FBXO25: variants seen among roughly 807,000 people sequenced by gnomAD.
The protein encoded by FBXO25 is F-box protein 25.
A neutral mutation model predicts 51.9 loss-of-function variants in FBXO25; 45 were observed. That is an observed-to-expected ratio of 0.87 (90% CI 0.68 to 1.11). The LOEUF (loss-of-function observed/expected upper bound fraction) is 1.11, where lower values mean the gene tolerates loss of function less well. FBXO25 is among the 50% of genes most tolerant of loss of function. The probability of loss-of-function intolerance (pLI) is 0.00; values close to 1 mark genes in which losing one functional copy is unlikely to be tolerated. For missense variants in FBXO25, 507 were observed against 428.5 expected (o/e 1.18, Z -1.62); for synonymous variants, 199 against 151.0 (o/e 1.32, Z -2.33).
intron 9 of FBXO25, 51 bp from the exon 10 acceptor site, chr8:468,664 A>T (rs1441740365): frequency 7.1e-7 from 1 of 1,413,044 alleles, no homozygotes; most frequent in South Asian, 1.2e-5. Flanking sequence ...CCATCACTAG[A>T]GTGTGGCTGG....
chr8:419,968 A>T (rs1355628672), intron 2 of FBXO25, among the ~76,000 whole-genome samples: 1 of 152,194 alleles, frequency 6.6e-6, no homozygotes, highest in Admixed American at 6.5e-5. Context: ...GTGAACCTGT[A>T]CTTCACCAAA....
chr8:453,671 TTA>T (rs1799236012), intron 7 of FBXO25, among the ~76,000 whole-genome samples: 1 of 151,770 alleles, frequency 6.6e-6, no homozygotes, highest in Non-Finnish European at 1.5e-5. Flanking sequence ...GCAGATGGGG[TTA>T]GAACAGAGCA....
At position 473,818 on chromosome 8, in the gene FBXO25, A is replaced by T. The variant is rs1411550314; in HGVS notation, c.*5014A>T. 1 of 152,224 alleles carries T rather than the reference A, an allele frequency of 6.6e-6. No homozygotes were observed. The highest frequency in any genetic ancestry group is 1.5e-5 in the Non-Finnish European group (1 of 68,044). The allele number at this position is 152,224 out of a possible 1,614,324, so 9.4% of individuals were successfully genotyped here. A position where few individuals can be genotyped will look rare whatever the true frequency, so the allele number is the denominator to read the frequency against. ...GACACCTCAACTGTCTCGTTTTTGC[A>T]TGGAAATTTCATTTTTATTTGATAA... is the stretch of plus-strand genomic sequence containing the variant. On this transcript the variant is annotated 3_prime_UTR_variant, in exon 10 of 10. Transcript: ENST00000350302.
chr8:458,233 CT>C, intron 7 of FBXO25, 135 bp from the exon 8 acceptor site: 1 of 976,394 alleles, frequency 1.0e-6, no homozygotes, highest in Admixed American at 2.5e-5. Flanking sequence ...CCCTTGACAC[CT>C]TGCGACGCAT....
At chr8:423,134 A>G (rs1797254797) in intron 2 of FBXO25, among the ~76,000 whole-genome samples, 1 of 149,424 alleles carries the variant, frequency 6.7e-6, no homozygotes, top group South Asian at 2.1e-4. Context: ...CTAAATTTCC[A>G]TGGGCAATTG....
At chr8:409,008 T>C (rs1216081975) in intron 1 of FBXO25, among the ~76,000 whole-genome samples, 1 of 152,194 alleles carries the variant, frequency 6.6e-6, no homozygotes, top group Non-Finnish European at 1.5e-5. Context: ...GCAATTCACA[T>C]TTTTTAGCTG....
intron 6 of FBXO25, 186 bp from the exon 7 acceptor site, chr8:451,083 C>T: frequency 1.9e-6 from 1 of 537,980 alleles, no homozygotes; most frequent in South Asian, 2.9e-5. Context: ...CTTCAGGGTT[C>T]ATCCATGCTG....
chr8:428,639 C>T (rs985423177), intron 2 of FBXO25, among the ~76,000 whole-genome samples: 1 of 152,198 alleles, frequency 6.6e-6, no homozygotes, highest in Non-Finnish European at 1.5e-5. Context: ...CACCATCCAT[C>T]TCTAGAACTT....
At position 424,976 on chromosome 8, in the gene FBXO25, T is replaced by A. The variant is rs180830704; in HGVS notation, c.135-6365T>A. Among the ~76,000 whole-genome samples the A allele has an allele frequency of 3.3e-3, 499 of 152,310 alleles. 5 individuals carry two copies. Among genetic ancestry groups the A allele is most frequent in the South Asian group, 0.01 (50 of 4,830 alleles). On this transcript the variant is annotated intron_variant, in intron 2 of 9. Coordinates refer to ENST00000350302, the MANE Select transcript of FBXO25 (RefSeq NM_183420.2). The stretch of plus-strand genomic sequence containing the variant: ...GAATAGCATTAAATTTAATATTTTT[T>A]AAAAATGTTTCATCTACTAACTTAC...
intron 2 of FBXO25, among the ~76,000 whole-genome samples, chr8:422,654 A>G (rs898709560): frequency 3.3e-5 from 5 of 152,218 alleles, no homozygotes; most frequent in Non-Finnish European, 7.3e-5. Context: ...GTGCAAGTCT[A>G]AAATCACCTT....
chr8:462,012 C>T (rs779589762), intron 8 of FBXO25, among the ~76,000 whole-genome samples: 1 of 152,088 alleles, frequency 6.6e-6, no homozygotes, highest in South Asian at 2.1e-4. Context: ...TGGTTATAAA[C>T]CTAGGAGTAG....
intron 9 of FBXO25, among the ~76,000 whole-genome samples, chr8:463,453 C>T (rs1799948423): frequency 6.6e-6 from 1 of 152,168 alleles, no homozygotes; most frequent in Admixed American, 6.5e-5. Context: ...TCCCTGCTGG[C>T]CCCCAGCCTG....
intron 6 of FBXO25, among the ~76,000 whole-genome samples, chr8:450,446 T>C (rs763581623): frequency 6.6e-6 from 1 of 152,216 alleles, no homozygotes; most frequent in Non-Finnish European, 1.5e-5. Context: ...GCCAATAATT[T>C]TCTTTCTAAT....
chr8:430,373 T>C (rs1447627048), intron 2 of FBXO25, among the ~76,000 whole-genome samples: 1 of 152,232 alleles, frequency 6.6e-6, no homozygotes, highest in Non-Finnish European at 1.5e-5. Context: ...GTCTTGATGA[T>C]TTACAACTGT....
intron 3 of FBXO25, among the ~76,000 whole-genome samples, chr8:432,444 CTA>C (rs893815898): frequency 1.3e-4 from 20 of 152,062 alleles, no homozygotes; most frequent in Non-Finnish European, 2.4e-4. Flanking sequence ...TACGGGGGGA[CTA>C]CTTTATGAAG....
At chr8:417,808 C>A (rs1238484450) in intron 2 of FBXO25, among the ~76,000 whole-genome samples, 1 of 152,134 alleles carries the variant, frequency 6.6e-6, no homozygotes, top group Admixed American at 6.6e-5. Flanking sequence ...CTTATTTGTC[C>A]AGGCTTCCAC....
chr8:467,156 A>T (rs1304241793), intron 9 of FBXO25, among the ~76,000 whole-genome samples: 1 of 152,068 alleles, frequency 6.6e-6, no homozygotes, highest in Non-Finnish European at 1.5e-5. Context: ...CCAGCGGGGG[A>T]GAACAGCACA....
intron 2 of FBXO25, among the ~76,000 whole-genome samples, chr8:427,815 G>A (rs1158331517): frequency 6.6e-6 from 1 of 150,680 alleles, no homozygotes. Flanking sequence ...TGATGCCCTT[G>A]ATTAGCAATT....
At chr8:462,922 A>G in intron 8 of FBXO25, 85 bp from the exon 9 acceptor site, 1 of 1,473,530 alleles carries the variant, frequency 6.8e-7, no homozygotes, top group South Asian at 1.3e-5. Flanking sequence ...ATTAAAAACT[A>G]AAATAAAATG....
Sources: allele counts gnomAD v4.1 joint callset (sites outside exome capture counted in the v4.1 genomes callset), GRCh38; gene constraint gnomAD v4.1.1; transcripts MANE v1.5; gene names NCBI Gene and HGNC (gene_info 2026-07-23, HGNC 2026-07-21).